CLSTN2: variants seen among roughly 807,000 people sequenced by gnomAD.
CLSTN2 encodes the protein calsyntenin 2, also known as calsyntenin-2.
CLSTN2 carries 48 observed loss-of-function variants against 101.2 expected under a neutral mutation model. That is an observed-to-expected ratio of 0.47 (90% CI 0.38 to 0.60). The LOEUF is 0.60. CLSTN2 is among the 20% of genes least tolerant of loss of function. The pLI is 0.00. For synonymous variants in CLSTN2, 481 were observed against 463.6 expected (o/e 1.04, Z -0.48); for missense variants, 1,160 against 1,238.2 (o/e 0.94, Z 0.95).
At chr3:140,405,867 A>G (rs2088297242) in intron 4 of CLSTN2, among the ~76,000 whole-genome samples, 1 of 152,208 alleles carries the variant, frequency 6.6e-6, no homozygotes, top group Non-Finnish European at 1.5e-5. Flanking sequence ...TTTGTTTCCA[A>G]TAAGATTTAA....
intron 11 of CLSTN2, among the ~76,000 whole-genome samples, chr3:140,557,811 C>G (rs1244094766): frequency 6.6e-6 from 1 of 152,158 alleles, no homozygotes. Flanking sequence ...TCTAGATGAC[C>G]AGGGGAGAGG....
chr3:140,483,121 C>T (rs1287807303), intron 8 of CLSTN2, among the ~76,000 whole-genome samples: 2 of 151,974 alleles, frequency 1.3e-5, no homozygotes, highest in East Asian at 3.9e-4. Flanking sequence ...TGAATATGTC[C>T]CAGACATTCT....
intron 5 of CLSTN2, among the ~76,000 whole-genome samples, chr3:140,439,987 A>G (rs1389714915): frequency 6.6e-6 from 1 of 152,196 alleles, no homozygotes; most frequent in Non-Finnish European, 1.5e-5. Context: ...GGCAACTTTT[A>G]TGTGCCAGGC....
chr3:139,963,641 C>T (rs1382493492), intron 1 of CLSTN2, among the ~76,000 whole-genome samples: 1 of 152,194 alleles, frequency 6.6e-6, no homozygotes, highest in South Asian at 2.1e-4. Context: ...AGTCACTCAT[C>T]ACAGTAATCC....
At chr3:140,050,475 C>T (rs1039268467) in intron 1 of CLSTN2, among the ~76,000 whole-genome samples, 17 of 152,188 alleles carry the variant, frequency 1.1e-4, no homozygotes, top group South Asian at 2.1e-4. Context: ...TGACCATCCC[C>T]AGGCTGAAGG....
intron 1 of CLSTN2, among the ~76,000 whole-genome samples, chr3:139,936,346 G>A (rs1417308023): frequency 6.6e-6 from 1 of 152,186 alleles, no homozygotes; most frequent in East Asian, 1.9e-4. Flanking sequence ...GGCGAGGGAA[G>A]AGCAGAGCTG....
At chr3:140,200,527 C>G (rs1025777972) in intron 2 of CLSTN2, among the ~76,000 whole-genome samples, 2 of 152,210 alleles carry the variant, frequency 1.3e-5, no homozygotes, top group East Asian at 1.9e-4. Context: ...CTCTTTATAT[C>G]TACAGGATAG....
At chr3:140,333,484 T>A (rs1352048767) in intron 2 of CLSTN2, among the ~76,000 whole-genome samples, 1 of 152,112 alleles carries the variant, frequency 6.6e-6, no homozygotes, top group Non-Finnish European at 1.5e-5. Flanking sequence ...TATCACATCA[T>A]GTAAGCTTTC....
intron 2 of CLSTN2, among the ~76,000 whole-genome samples, chr3:140,224,163 G>A (rs2086299077): frequency 6.6e-6 from 1 of 152,088 alleles, no homozygotes; most frequent in Admixed American, 6.6e-5. Context: ...ACCAGCATTG[G>A]CTTTGCAGTC....
chr3:140,182,198 G>A (rs923275169), intron 2 of CLSTN2, among the ~76,000 whole-genome samples: 16 of 152,124 alleles, frequency 1.1e-4, no homozygotes, highest in East Asian at 3.8e-4. Context: ...ATATTCGGTT[G>A]TATTTTATTT....
At chr3:140,167,933 G>A (rs2010159038) in intron 1 of CLSTN2, among the ~76,000 whole-genome samples, 1 of 152,098 alleles carries the variant, frequency 6.6e-6, no homozygotes, top group South Asian at 2.1e-4. Flanking sequence ...TGGATATTCT[G>A]CAATTTGTTT....
chr3:139,972,186 C>T (rs1050724312), intron 1 of CLSTN2, among the ~76,000 whole-genome samples: 5 of 152,006 alleles, frequency 3.3e-5, no homozygotes, highest in African/African-American at 1.2e-4. Context: ...ATCGCTTGAA[C>T]CTGGGAGGCG....
intron 1 of CLSTN2, among the ~76,000 whole-genome samples, chr3:139,956,977 A>G (rs1245428226): frequency 6.6e-6 from 1 of 152,226 alleles, no homozygotes; most frequent in African/African-American, 2.4e-5. Flanking sequence ...GAAAGCTGCA[A>G]TGAGCGTTGC....
At chr3:140,559,812 A>C (rs2107792933) in intron 12 of CLSTN2, among the ~76,000 whole-genome samples, 1 of 152,126 alleles carries the variant, frequency 6.6e-6, no homozygotes, top group Middle Eastern at 3.4e-3. Flanking sequence ...ATTGCCTTAA[A>C]CCACCCTGGT....
intron 2 of CLSTN2, among the ~76,000 whole-genome samples, chr3:140,232,847 C>A (rs2086382508): frequency 6.6e-6 from 1 of 152,006 alleles, no homozygotes; most frequent in Non-Finnish European, 1.5e-5. Flanking sequence ...GTTATACTAC[C>A]CCCTCTCTCT....
At chr3:140,131,246 T>A (rs1302449103) in intron 1 of CLSTN2, among the ~76,000 whole-genome samples, 1 of 152,052 alleles carries the variant, frequency 6.6e-6, no homozygotes, top group Non-Finnish European at 1.5e-5. Flanking sequence ...GATACCATTT[T>A]AAAAATTCTT....
chr3:139,938,304 G>C (rs1283703802), intron 1 of CLSTN2, among the ~76,000 whole-genome samples: 1 of 152,208 alleles, frequency 6.6e-6, no homozygotes, highest in African/African-American at 2.4e-5. Flanking sequence ...CTGGAAGCAT[G>C]TGCTCCCAGC....
At chr3:140,158,025 C>T (rs565254309) in intron 1 of CLSTN2, among the ~76,000 whole-genome samples, 14 of 152,224 alleles carry the variant, frequency 9.2e-5, no homozygotes, top group African/African-American at 3.4e-4. Context: ...TAACAAAACC[C>T]CTCAACAGAC....
intron 1 of CLSTN2, among the ~76,000 whole-genome samples, chr3:140,009,089 A>T (rs2007017896): frequency 6.6e-6 from 1 of 152,258 alleles, no homozygotes; most frequent in Non-Finnish European, 1.5e-5. Flanking sequence ...AGCTAAATAA[A>T]TAATAAACAT....
Sources: gnomAD v4.1 joint callset for allele counts (sites outside exome capture counted in the v4.1 genomes callset) on GRCh38, gnomAD v4.1.1 for gene constraint, MANE v1.5 for transcripts, NCBI Gene and HGNC (gene_info 2026-07-23, HGNC 2026-07-21) for gene names.